The following UGT2A1 variants were observed in gnomAD, a reference collection of about 807,000 sequenced individuals.
The protein encoded by UGT2A1 is UDP-glucuronosyltransferase 2A1.
UGT2A1 carries 61 observed loss-of-function variants against 45.4 expected under a neutral mutation model. The observed-to-expected ratio is 1.34, with a 90% confidence interval of 1.09 to 1.66. UGT2A1 has a LOEUF of 1.66. UGT2A1 is among the 40% of genes most tolerant of loss of function. UGT2A1 has a pLI of 0.00. For synonymous variants in UGT2A1, 229 were observed against 196.2 expected, an observed-to-expected ratio of 1.17 and a Z score of -1.40; for missense variants, 649 against 574.3, an observed-to-expected ratio of 1.13 and a Z score of -1.33.
At chr4:69,643,241 T>G (rs931085096) in intron 2 of UGT2A1, among the ~76,000 whole-genome samples, 2 of 151,504 alleles carry the variant, frequency 1.3e-5, no homozygotes, top group African/African-American at 4.8e-5. Flanking sequence ...GAATAGCAGA[T>G]TTTAAAAGCT....
At chr4:69,617,976 C>T (rs1027507219) in intron 3 of UGT2A1, among the ~76,000 whole-genome samples, 8 of 151,676 alleles carry the variant, frequency 5.3e-5, no homozygotes, top group East Asian at 3.9e-4. Context: ...ATATGTCTTT[C>T]GGAAATCATT....
intron 3 of UGT2A1, among the ~76,000 whole-genome samples, chr4:69,615,213 A>G (rs532009783): frequency 6.6e-6 from 1 of 152,142 alleles, no homozygotes; most frequent in Admixed American, 6.6e-5. Flanking sequence ...GAAAAATTAA[A>G]TCACTCTAAT....
intron 3 of UGT2A1, among the ~76,000 whole-genome samples, chr4:69,609,471 C>T (rs1360360630): frequency 1.3e-5 from 2 of 152,094 alleles, no homozygotes; most frequent in African/African-American, 4.8e-5. Context: ...GCTGGGATTA[C>T]AGGTGTAGCA....
At chr4:69,623,403 G>T (rs1577981638) in intron 3 of UGT2A1, among the ~76,000 whole-genome samples, 2 of 151,688 alleles carry the variant, frequency 1.3e-5, no homozygotes, top group Admixed American at 6.6e-5. Context: ...ACACCACAAA[G>T]GCAGTGGATA....
At chr4:69,646,823 A>T (rs1380056970) in intron 2 of UGT2A1, 107 bp downstream of exon 2, 4 of 755,118 alleles carry the variant, frequency 5.3e-6, no homozygotes, top group Non-Finnish European at 8.3e-6. Flanking sequence ...TATATAGTAC[A>T]TCAATACTTG....
intron 3 of UGT2A1, among the ~76,000 whole-genome samples, chr4:69,611,898 C>A (rs1720083305): frequency 6.6e-6 from 1 of 152,126 alleles, no homozygotes; most frequent in Non-Finnish European, 1.5e-5. Context: ...ATAAGTTCAA[C>A]TCCCCAAATC....
Position 69,599,307 on chromosome 4 carries a change from T to A in UGT2A1, c.935A>T (p.Tyr312Phe), listed in dbSNP as rs1486101154. Reference sequence around the variant, plus strand: ...TCCAACAAACTCAAAATTAGGTAAGTATGGACGAGGAAATTCAAAATCCCA... The same window carrying A: ...TCCAACAAACTCAAAATTAGGTAAGAATGGACGAGGAAATTCAAAATCCCA... Reference protein sequence around the residue: ...TYWDFEFPRPYLPNFEFVGGL... With the variant: ...TYWDFEFPRPFLPNFEFVGGL... The change falls in exon 4 of 7, where the codon TAC (tyrosine) becomes TTC (phenylalanine). Residue 312 changes from tyrosine to phenylalanine, a missense_variant. Transcript: ENST00000286604. 1 of 1,613,862 alleles carries A rather than the reference T, an allele frequency of 6.2e-7. No homozygotes were observed. The highest frequency in any genetic ancestry group is 8.5e-7 in the Non-Finnish European group (1 of 1,179,936).
At position 69,599,360 on chromosome 4, in the gene UGT2A1, T is replaced by C; in HGVS notation, c.882A>G (p.Lys294=). The stretch of plus-strand genomic sequence containing the variant: ...ATGTTCGGATTAACCAAATTTCAGC[T>C]TTCCCCATAGTCTCACATAACGTAG... ...RPTTLCETMG[K]AEIWLIRTYW... Residue 294 remains lysine, a synonymous_variant, in exon 4 of 7, where the codon AAA becomes AAG. Transcript: ENST00000286604. The C allele has an allele frequency of 6.2e-7, 1 of 1,613,788 alleles. No individual in the cohort carries two copies. The highest frequency in any genetic ancestry group is 8.5e-7 in the Non-Finnish European group (1 of 1,179,896).
At chr4:69,651,826 A>T (rs1722538226) in intron 1 of UGT2A1, among the ~76,000 whole-genome samples, 1 of 152,246 alleles carries the variant, frequency 6.6e-6, no homozygotes, top group African/African-American at 2.4e-5. Context: ...TCAGATGAGC[A>T]TATATACAAC....
intron 3 of UGT2A1, among the ~76,000 whole-genome samples, chr4:69,606,077 T>C (rs1189739823): frequency 1.5e-5 from 2 of 134,444 alleles, no homozygotes; most frequent in Non-Finnish European, 3.2e-5. Flanking sequence ...ATTTTATGAG[T>C]CCAGCATCAT....
chr4:69,590,638 AGTGT>A (rs4148321), intron 6 of UGT2A1, among the ~76,000 whole-genome samples: 150 of 150,282 alleles, frequency 1.0e-3, no homozygotes, highest in African/African-American at 3.2e-3. Flanking sequence ...ACATGTGTTG[AGTGT>A]GTGTGTGTGT....
intron 3 of UGT2A1, 137 bp from the exon 4 acceptor site, chr4:69,599,531 A>C (rs1719135491): frequency 8.2e-7 from 1 of 1,218,596 alleles, no homozygotes; most frequent in Non-Finnish European, 1.1e-6. Flanking sequence ...TATCATGTTT[A>C]TATATTAAGA....
intron 3 of UGT2A1, among the ~76,000 whole-genome samples, chr4:69,615,720 ACAAG>A (rs370865748): frequency 1.1e-4 from 17 of 151,930 alleles, no homozygotes; most frequent in African/African-American, 2.4e-4. Flanking sequence ...GCAAAAACAA[ACAAG>A]CAAACAAACA....
intron 2 of UGT2A1, among the ~76,000 whole-genome samples, chr4:69,636,123 T>A (rs1278052237): frequency 1.3e-5 from 2 of 152,214 alleles, no homozygotes; most frequent in Non-Finnish European, 2.9e-5. Flanking sequence ...CTTATTCTGA[T>A]GTCCTTCAAG....
At chr4:69,639,287 T>A (rs1444886524) in intron 2 of UGT2A1, 1 of 1,613,746 alleles carries the variant, frequency 6.2e-7, no homozygotes, top group South Asian at 1.1e-5. Context: ...TTCCTAGTTC[T>A]TTGTAGAAAG....
rs373408682 is a variant in UGT2A1, at chr4:69,595,122, A to G, written c.1084+40T>C. On this transcript the variant is annotated intron_variant, in intron 5 of 6. Transcript: ENST00000286604. ...TATTAAACAGTTACTTAACTTGTCTATTGTCCCACTGTACAGCTTTTCTTT... is the reference window on the plus strand; with the variant it reads ...TATTAAACAGTTACTTAACTTGTCTGTTGTCCCACTGTACAGCTTTTCTTT... The G allele has an allele frequency of 3.3e-4, 537 of 1,610,130 alleles. 7 individuals are homozygous for G. The South Asian group carries it at 5.6e-3, about 17-fold the overall frequency.
At position 69,644,591 on chromosome 4, in the gene UGT2A1, T is replaced by G. The variant is rs1347657704; in HGVS notation, c.715+2339A>C. Reference sequence around the variant, plus strand: ...TTCTTTTAAGATCTAGTTTCAACCATAAGATGTTTCCCATTCACTTTTATC... The same window carrying G: ...TTCTTTTAAGATCTAGTTTCAACCAGAAGATGTTTCCCATTCACTTTTATC... On this transcript the variant is annotated intron_variant, in intron 2 of 6. Coordinates refer to ENST00000286604, the MANE Select transcript of UGT2A1 (RefSeq NM_001252275.3). Among the ~76,000 whole-genome samples the G allele has an allele frequency of 2.0e-5, 3 of 151,680 alleles. 1 individual carries two copies. In the South Asian group the frequency reaches 6.2e-4, roughly 32 times the overall value.
intron 2 of UGT2A1, chr4:69,639,564 AC>A: frequency 6.2e-7 from 1 of 1,611,958 alleles, no homozygotes; most frequent in East Asian, 2.2e-5. Context: ...ACTTAGAACA[AC>A]TTCAGTCAGA....
At chr4:69,601,549 T>A (rs1560471396) in intron 3 of UGT2A1, among the ~76,000 whole-genome samples, 2 of 152,122 alleles carry the variant, frequency 1.3e-5, no homozygotes, top group African/African-American at 2.4e-5. Flanking sequence ...AGGAAAACAC[T>A]TCTGCATGAC....
Sources: gnomAD v4.1 joint callset for allele counts (sites outside exome capture counted in the v4.1 genomes callset) on GRCh38, gnomAD v4.1.1 for gene constraint, MANE v1.5 for transcripts, NCBI Gene and HGNC (gene_info 2026-07-23, HGNC 2026-07-21) for gene names.